EPHB2: variants seen among roughly 807,000 people sequenced by gnomAD.
The protein encoded by EPHB2 is ephrin type-B receptor 2.
EPHB2 carries 18 observed loss-of-function variants against 96.4 expected under a neutral mutation model. The ratio of observed to expected loss-of-function variants is 0.19; its 90% CI spans 0.13 to 0.28. The LOEUF (loss-of-function observed/expected upper bound fraction) is 0.28, where lower values mean the gene tolerates loss of function less well. Among genes scored for constraint, EPHB2 ranks in the 10% least tolerant of loss-of-function variants. The pLI is 1.00. For missense variants in EPHB2, 989 were observed against 1,355.4 expected, an observed-to-expected ratio of 0.73 and a Z score of 4.25; for synonymous variants, 506 against 534.1, an observed-to-expected ratio of 0.95 and a Z score of 0.72.
At chr1:22,800,760 C>T (rs887327210) in intron 3 of EPHB2, among the ~76,000 whole-genome samples, 23 of 134,952 alleles carry the variant, frequency 1.7e-4, no homozygotes, top group African/African-American at 4.8e-4. Context: ...GGAGTGTGTG[C>T]GTGTGTATGT....
chr1:22,810,709 G>T (rs912395533), intron 3 of EPHB2, among the ~76,000 whole-genome samples: 3 of 152,164 alleles, frequency 2.0e-5, no homozygotes, highest in African/African-American at 7.2e-5. Context: ...GCCAGGGCAG[G>T]AAGTTTATCT....
chr1:22,724,450 C>G (rs1329772329), intron 1 of EPHB2, among the ~76,000 whole-genome samples: 4 of 152,148 alleles, frequency 2.6e-5, no homozygotes, highest in South Asian at 2.1e-4. Flanking sequence ...CTGGTCTTAC[C>G]CGCAGCTTAC....
At chr1:22,811,664 C>T (rs1053649501) in intron 3 of EPHB2, among the ~76,000 whole-genome samples, 3 of 152,174 alleles carry the variant, frequency 2.0e-5, no homozygotes, top group African/African-American at 4.8e-5. Flanking sequence ...ACCCCAAGAC[C>T]GGGAAAGAAG....
At chr1:22,761,457 TG>T in intron 1 of EPHB2, among the ~76,000 whole-genome samples, 1 of 152,290 alleles carries the variant, frequency 6.6e-6, no homozygotes, top group South Asian at 2.1e-4. Context: ...ACAGAGCATC[TG>T]GCTGGGAACT....
intron 9 of EPHB2, 47 bp downstream of exon 9, chr1:22,896,525 C>T (rs560197834): frequency 2.6e-5 from 42 of 1,608,800 alleles, no homozygotes; most frequent in Non-Finnish European, 3.4e-5. Flanking sequence ...CCTTCACTGT[C>T]GGTTCCCCAG....
chr1:22,776,798 T>C (rs1644459636), intron 1 of EPHB2, among the ~76,000 whole-genome samples: 2 of 152,232 alleles, frequency 1.3e-5, no homozygotes, highest in South Asian at 4.1e-4. Context: ...ATTAATGTTG[T>C]CTGTATGAAA....
In EPHB2 at chr1:22,862,420, T is replaced by TCTAAG. The variant is rs1178228734; in HGVS notation, c.812-617_812-616insCTAAG. Among the ~76,000 whole-genome samples, 623 of 152,368 alleles carry TCTAAG rather than the reference T, an allele frequency of 4.1e-3. 2 individuals carry two copies. The highest frequency in any genetic ancestry group is 0.024 in the Middle Eastern group (7 of 294). ...TTAAGCAGAATACTCACAATGACCC[T>TCTAAG]GCAGAGATGGGCCTTAGAATCCTAA... On this transcript the variant is annotated intron_variant, in intron 3 of 15. Coordinates refer to ENST00000374630, the MANE Select transcript of EPHB2 (RefSeq NM_017449.5).
chr1:22,849,678 C>T (rs1330517874), intron 3 of EPHB2, among the ~76,000 whole-genome samples: 1 of 152,232 alleles, frequency 6.6e-6, no homozygotes, highest in Non-Finnish European at 1.5e-5. Context: ...AACTTTTTCT[C>T]TAAAGTCCTT....
At chr1:22,711,773 G>A (rs1382479532) in intron 1 of EPHB2, among the ~76,000 whole-genome samples, 1 of 152,172 alleles carries the variant, frequency 6.6e-6, no homozygotes, top group East Asian at 1.9e-4. Context: ...GAACTCTCCA[G>A]CTGCCGCCGG....
rs111577355 is a variant in EPHB2, at chr1:22,751,774, C to T, written c.62-29647C>T. Among the ~76,000 whole-genome samples the T allele has an allele frequency of 3.3e-5, 5 of 152,292 alleles. No individual in the cohort carries two copies. The East Asian group carries it at 9.7e-4, about 29-fold the overall frequency. ...GAGGATCACCTGCCACACAGAAAGG[C>T]GGGAATGATGTCAGCTCCTTCTGGA... On this transcript the variant is annotated intron_variant, in intron 1 of 15. Coordinates refer to ENST00000374630, the MANE Select transcript of EPHB2 (RefSeq NM_017449.5).
intron 3 of EPHB2, among the ~76,000 whole-genome samples, chr1:22,856,943 A>G (rs1186123831): frequency 1.3e-5 from 2 of 152,208 alleles, no homozygotes; most frequent in African/African-American, 4.8e-5. Context: ...TCACTGTCCA[A>G]CCAGGGAGAT....
At chr1:22,855,137 T>G (rs1342715002) in intron 3 of EPHB2, among the ~76,000 whole-genome samples, 11 of 152,214 alleles carry the variant, frequency 7.2e-5, no homozygotes, top group Non-Finnish European at 1.5e-4. Flanking sequence ...ATGATTGGAT[T>G]GAATTGTGTG....
chr1:22,850,504 G>C (rs1051401099), intron 3 of EPHB2, among the ~76,000 whole-genome samples: 1 of 152,230 alleles, frequency 6.6e-6, no homozygotes, highest in South Asian at 2.1e-4. Flanking sequence ...TGTGCGGGAG[G>C]GGCCTGGGCC....
At chr1:22,754,074 C>A (rs1449778076) in intron 1 of EPHB2, among the ~76,000 whole-genome samples, 1 of 152,172 alleles carries the variant, frequency 6.6e-6, no homozygotes, top group African/African-American at 2.4e-5. Context: ...AAATCCTGGG[C>A]CTGAGTGTTC....
chr1:22,719,946 A>G (rs1643408709), intron 1 of EPHB2, among the ~76,000 whole-genome samples: 1 of 152,176 alleles, frequency 6.6e-6, no homozygotes, highest in Non-Finnish European at 1.5e-5. Flanking sequence ...CTGGGTGCTT[A>G]TTCTGTTCCC....
rs1557752949 is a variant in EPHB2 at position 22,910,560 on chromosome 1, C to T, written c.2681C>T (p.Ala894Val). The T allele has an allele frequency of 8.7e-6, 14 of 1,614,026 alleles. No homozygotes were observed. The highest frequency in any genetic ancestry group is 5.3e-5 in the African/African-American group (4 of 74,948). Residue 894 changes from alanine (A) to valine (V), a missense_variant, in exon 14 of 16, where the codon GCG becomes GTG. By Grantham distance (64) the Ala-to-Val change is moderately conservative. Coordinates refer to ENST00000374630, the MANE Select transcript of EPHB2 (RefSeq NM_017449.5). ...AATCCCAACAGCCTCAAAGCCATGG[C>T]GCCCCTCTCCTCTGGGTAAGGCCCC... ...IRNPNSLKAM[A>V]PLSSGINLPL... is the part of the protein sequence containing the mutation.
At chr1:22,844,507 G>C (rs983055075) in intron 3 of EPHB2, among the ~76,000 whole-genome samples, 2 of 152,244 alleles carry the variant, frequency 1.3e-5, no homozygotes, top group Non-Finnish European at 1.5e-5. Flanking sequence ...AGCCTGTCCA[G>C]TTTGACAGCA....
At chr1:22,740,652 C>G (rs187328236) in intron 1 of EPHB2, among the ~76,000 whole-genome samples, 7 of 152,328 alleles carry the variant, frequency 4.6e-5, no homozygotes, top group Admixed American at 3.3e-4. Flanking sequence ...CCCTGAGTGT[C>G]TTGCCATTCC....
In EPHB2 at chr1:22,846,063, G is replaced by A. The variant is rs1340852710; in HGVS notation, c.812-16974G>A. ...GATCAGTTAGACCCTAAGGATCCCT[G>A]CAGAGGAGCCCAGGATGCCCAGGTA... On this transcript the variant is annotated intron_variant, in intron 3 of 15. Transcript: ENST00000374630. The surrounding 1 kb of genome is among the most constrained non-coding windows in gnomAD (Gnocchi z 4.3). 6.6e-6 allele frequency among the ~76,000 whole-genome samples: 1 copy of A among 152,164 alleles called. No individual in the cohort carries two copies. Among genetic ancestry groups the A allele is most frequent in the African/African-American group, 2.4e-5 (1 of 41,440 alleles).
Sources: gnomAD v4.1 joint callset for allele counts (sites outside exome capture counted in the v4.1 genomes callset) on GRCh38, gnomAD v4.1.1 for gene constraint, Gnocchi (gnomAD v3.1) non-coding constraint, MANE v1.5 for transcripts, NCBI Gene and HGNC (gene_info 2026-07-23, HGNC 2026-07-21) for gene names.